IFT80: variants seen among roughly 807,000 people sequenced by gnomAD.
The protein encoded by IFT80 is intraflagellar transport 80, also known as intraflagellar transport protein 80 homolog.
IFT80 carries 79 observed loss-of-function variants against 107.9 expected under a neutral mutation model. That is an observed-to-expected ratio of 0.73 (90% CI 0.61 to 0.88). The LOEUF is 0.88. Ranked by LOEUF, IFT80 falls within the 40% of genes least tolerant of loss-of-function variation. The pLI, the probability that IFT80 is intolerant of heterozygous loss-of-function variation, is 0.00. For synonymous variants in IFT80, 299 were observed against 300.9 expected (o/e 0.99, Z 0.07); for missense variants, 797 against 914.2 (o/e 0.87, Z 1.65).
intron 8 of IFT80, among the ~76,000 whole-genome samples, chr3:160,350,645 C>T (rs553069028): frequency 3.3e-5 from 5 of 151,880 alleles, no homozygotes; most frequent in Admixed American, 1.3e-4. Flanking sequence ...GGAAGCCCCA[C>T]CTCTACTAAA....
chr3:160,329,394 T>C (rs1203816834), intron 8 of IFT80, among the ~76,000 whole-genome samples: 1 of 152,078 alleles, frequency 6.6e-6, no homozygotes, highest in African/African-American at 2.4e-5. Flanking sequence ...GTGAGAACCC[T>C]GGTAGATGAA....
At chr3:160,376,681 A>G (rs1027624592) in intron 4 of IFT80, among the ~76,000 whole-genome samples, 1 of 152,234 alleles carries the variant, frequency 6.6e-6, no homozygotes, top group Non-Finnish European at 1.5e-5. Flanking sequence ...GGTACACTAC[A>G]AAAGATACAG....
At chr3:160,275,134 T>C (rs1714156140) in intron 18 of IFT80, among the ~76,000 whole-genome samples, 1 of 152,242 alleles carries the variant, frequency 6.6e-6, no homozygotes, top group African/African-American at 2.4e-5. Flanking sequence ...ACATGATATA[T>C]AGCAAGTGTC....
chr3:160,336,473 AAT>A (rs1370313404), intron 8 of IFT80, among the ~76,000 whole-genome samples: 1 of 152,158 alleles, frequency 6.6e-6, no homozygotes, highest in Non-Finnish European at 1.5e-5. Flanking sequence ...AAATATACAA[AAT>A]ATAGTCAAAT....
Position 160,257,339 on chromosome 3 carries a change from C to T in IFT80, c.*1186G>A, listed in dbSNP as rs1281852344. The T allele has an allele frequency of 1.3e-5, 2 of 151,894 alleles. No individual in the cohort carries two copies. Among genetic ancestry groups the T allele is most frequent in the Non-Finnish European group, 2.9e-5 (2 of 68,012 alleles). The allele number at this position is 151,894 out of a possible 1,614,324, so 9.4% of individuals were successfully genotyped here. On this transcript the variant is annotated 3_prime_UTR_variant, in exon 20 of 20. Coordinates refer to ENST00000326448, the MANE Select transcript of IFT80 (RefSeq NM_020800.3). ...TATCATACATAATCCCATATCTATGCATCTATACCCACCCTATAATGTACC... is the reference window on the plus strand; with the variant it reads ...TATCATACATAATCCCATATCTATGTATCTATACCCACCCTATAATGTACC...
intron 8 of IFT80, among the ~76,000 whole-genome samples, chr3:160,329,285 T>A (rs905099818): frequency 1.3e-5 from 2 of 152,120 alleles, no homozygotes; most frequent in Non-Finnish European, 2.9e-5. Flanking sequence ...TCTCTTCTCT[T>A]CCCCAAATAT....
chr3:160,350,415 CAAA>C (rs60135065), intron 8 of IFT80, among the ~76,000 whole-genome samples: 36 of 116,278 alleles, frequency 3.1e-4, no homozygotes, highest in Admixed American at 5.5e-4. Flanking sequence ...GACTCTGTCT[CAAA>C]AAAAAAAAAA....
chr3:160,279,059 T>A, intron 16 of IFT80, 134 bp downstream of exon 16: 2 of 682,630 alleles, frequency 2.9e-6, no homozygotes, highest in Non-Finnish European at 2.5e-6. Flanking sequence ...ATTGCCCATG[T>A]CTTTACTTAT....
At chr3:160,372,096 T>C (rs1327440983) in intron 5 of IFT80, among the ~76,000 whole-genome samples, 1 of 152,336 alleles carries the variant, frequency 6.6e-6, no homozygotes, top group Non-Finnish European at 1.5e-5. Context: ...GCTTTTTCTA[T>C]CTGAACATCT....
chr3:160,285,234 A>G (rs556829394), intron 13 of IFT80, among the ~76,000 whole-genome samples: 30 of 152,278 alleles, frequency 2.0e-4, no homozygotes, highest in South Asian at 1.2e-3. Context: ...ATTTTGAGTA[A>G]CAGTTCACTA....
intron 18 of IFT80, among the ~76,000 whole-genome samples, chr3:160,270,027 G>A (rs1397848166): frequency 6.6e-6 from 1 of 151,974 alleles, no homozygotes; most frequent in Non-Finnish European, 1.5e-5. Context: ...TTTAGATGGA[G>A]TCTCATTCTG....
intron 5 of IFT80, among the ~76,000 whole-genome samples, chr3:160,374,878 ATAT>A (rs1321500234): frequency 6.6e-6 from 1 of 152,190 alleles, no homozygotes; most frequent in Non-Finnish European, 1.5e-5. Flanking sequence ...TCATGAATAA[ATAT>A]TCTGCCTTGA....
At chr3:160,316,233 C>A (rs998823980) in intron 9 of IFT80, among the ~76,000 whole-genome samples, 2 of 152,070 alleles carry the variant, frequency 1.3e-5, no homozygotes, top group Non-Finnish European at 1.5e-5. Context: ...TGAAGGAGAC[C>A]TCCAGTAAAT....
Position 160,257,245 on chromosome 3 carries a change from T to C in IFT80, c.*1280A>G, listed in dbSNP as rs1559903905. 1 of 152,000 alleles carries C rather than the reference T, an allele frequency of 6.6e-6. No individual in the cohort carries two copies. Among genetic ancestry groups the C allele is most frequent in the Non-Finnish European group, 1.5e-5 (1 of 67,992 alleles). The allele number at this position is 152,000 out of a possible 1,614,324, so 9.4% of individuals were successfully genotyped here. ...GATTTTTATTTAAAAAACCTAGACA[T>C]AGTAATTAAAATGGGGGTTAAGAGA... On this transcript the variant is annotated 3_prime_UTR_variant, in exon 20 of 20. Coordinates refer to ENST00000326448, the MANE Select transcript of IFT80 (RefSeq NM_020800.3).
chr3:160,314,705 C>G (rs1041510132), intron 9 of IFT80, among the ~76,000 whole-genome samples: 1 of 152,112 alleles, frequency 6.6e-6, no homozygotes, highest in African/African-American at 2.4e-5. Context: ...TGTGACTCCA[C>G]CTTGCAACAA....
chr3:160,309,426 C>T (rs1249881869), intron 9 of IFT80, among the ~76,000 whole-genome samples: 1 of 152,152 alleles, frequency 6.6e-6, no homozygotes, highest in Non-Finnish European at 1.5e-5. Flanking sequence ...TGTGGTGGCT[C>T]ACGCCTGTCA....
chr3:160,261,656 C>T (rs1031696493), intron 19 of IFT80, among the ~76,000 whole-genome samples: 2 of 150,522 alleles, frequency 1.3e-5, no homozygotes, highest in African/African-American at 4.9e-5. Context: ...AAAAATTTAG[C>T]TGGGCTTGGT....
intron 9 of IFT80, among the ~76,000 whole-genome samples, chr3:160,310,574 T>C (rs1717165505): frequency 6.6e-6 from 1 of 152,174 alleles, no homozygotes; most frequent in South Asian, 2.1e-4. Flanking sequence ...AATGTTACTA[T>C]TTCACAACCC....
At chr3:160,321,050 C>G (rs1718176276) in intron 8 of IFT80, among the ~76,000 whole-genome samples, 1 of 151,668 alleles carries the variant, frequency 6.6e-6, no homozygotes, top group Non-Finnish European at 1.5e-5. Flanking sequence ...CAGTAAAGGC[C>G]TAATAATAAA....
Sources: gnomAD v4.1 joint callset for allele counts (sites outside exome capture counted in the v4.1 genomes callset) on GRCh38, gnomAD v4.1.1 for gene constraint, MANE v1.5 for transcripts, NCBI Gene and HGNC (gene_info 2026-07-23, HGNC 2026-07-21) for gene names.